Variants in NCALD observed in about 807,000 individuals in gnomAD.
NCALD encodes neurocalcin-delta.
A neutral mutation model predicts 18.6 loss-of-function variants in NCALD; 10 were observed. The ratio of observed to expected loss-of-function variants is 0.54; its 90% CI spans 0.33 to 0.91. The LOEUF is 0.91. Ranked by LOEUF, NCALD falls within the 40% of genes least tolerant of loss-of-function variation. NCALD has a pLI of 0.03. For synonymous variants in NCALD, 88 were observed against 87.4 expected, an observed-to-expected ratio of 1.01 and a Z score of -0.04; for missense variants, 184 against 247.6, an observed-to-expected ratio of 0.74 and a Z score of 1.72.
chr8:101,719,207 T>C (rs373805280), intron 2 of NCALD, 45 bp downstream of exon 2: 4 of 1,581,016 alleles, frequency 2.5e-6, no homozygotes, highest in Non-Finnish European at 3.4e-6. Flanking sequence ...CAATTCTTAC[T>C]TGAGATACAT....
At chr8:101,709,433 G>A (rs772060224) in intron 2 of NCALD, among the ~76,000 whole-genome samples, 3 of 152,158 alleles carry the variant, frequency 2.0e-5, no homozygotes, top group Admixed American at 6.5e-5. Context: ...TGAGTTGTAA[G>A]GATAAAGAAT....
intron 1 of NCALD, among the ~76,000 whole-genome samples, chr8:102,095,989 C>A (rs2132393323): frequency 6.6e-6 from 1 of 152,336 alleles, no homozygotes; most frequent in African/African-American, 2.4e-5. Flanking sequence ...AAAGGTCCTG[C>A]ATCCCAGGAA....
intron 1 of NCALD, among the ~76,000 whole-genome samples, chr8:102,106,369 T>A (rs1825448326): frequency 6.6e-6 from 1 of 151,634 alleles, no homozygotes; most frequent in African/African-American, 2.4e-5. Flanking sequence ...CCACCATACC[T>A]GGCGGAACAA....
At chr8:102,072,745 C>T (rs775482441) in intron 1 of NCALD, among the ~76,000 whole-genome samples, 4 of 152,178 alleles carry the variant, frequency 2.6e-5, no homozygotes, top group Non-Finnish European at 5.9e-5. Flanking sequence ...AGCCAAAATA[C>T]ATACAAAAAG....
chr8:102,071,795 T>C (rs979575211), intron 1 of NCALD, among the ~76,000 whole-genome samples: 1 of 152,132 alleles, frequency 6.6e-6, no homozygotes, highest in African/African-American at 2.4e-5. Context: ...TAACAGAAGA[T>C]ATGCAAGACC....
At chr8:102,010,239 A>G (rs530381398) in intron 2 of NCALD, among the ~76,000 whole-genome samples, 1 of 152,350 alleles carries the variant, frequency 6.6e-6, no homozygotes, top group South Asian at 2.1e-4. Context: ...TACCCATTGC[A>G]TACTTGCAAC....
intron 4 of NCALD, among the ~76,000 whole-genome samples, chr8:101,815,552 A>G (rs1459360862): frequency 6.6e-6 from 1 of 152,144 alleles, no homozygotes; most frequent in Non-Finnish European, 1.5e-5. Context: ...ATATGAAAAG[A>G]TGCTTCACAT....
At chr8:101,848,167 A>G (rs1280184359) in intron 4 of NCALD, among the ~76,000 whole-genome samples, 1 of 152,036 alleles carries the variant, frequency 6.6e-6, no homozygotes, top group Non-Finnish European at 1.5e-5. Context: ...AAAAATAGCT[A>G]AAAATTGAGG....
At chr8:102,047,505 C>A (rs896710162) in intron 1 of NCALD, among the ~76,000 whole-genome samples, 1 of 152,124 alleles carries the variant, frequency 6.6e-6, no homozygotes, top group African/African-American at 2.4e-5. Flanking sequence ...GTGGCTAATG[C>A]AACTGAGAAA....
intron 2 of NCALD, among the ~76,000 whole-genome samples, chr8:102,008,251 G>GCAAGCAGACAATTCCCAAA (rs2132054472): frequency 6.6e-6 from 1 of 152,212 alleles, no homozygotes; most frequent in South Asian, 2.1e-4. Context: ...AGACAGACAA[G>GCAAGCAGACAATTCCCAAA]CAAGCAGACA....
chr8:102,114,386 C>T (rs766680512), intron 1 of NCALD, among the ~76,000 whole-genome samples: 7 of 152,190 alleles, frequency 4.6e-5, no homozygotes, highest in Non-Finnish European at 7.3e-5. Context: ...AACCAGAAAA[C>T]TAAAGAGGCT....
At chr8:102,027,393 A>G (rs1822497916) in intron 1 of NCALD, among the ~76,000 whole-genome samples, 1 of 152,168 alleles carries the variant, frequency 6.6e-6, no homozygotes, top group Non-Finnish European at 1.5e-5. Flanking sequence ...GGACGGGGCA[A>G]AATGCCGCCA....
intron 1 of NCALD, among the ~76,000 whole-genome samples, chr8:102,021,725 C>T (rs1586936143): frequency 6.6e-6 from 1 of 152,168 alleles, no homozygotes; most frequent in Non-Finnish European, 1.5e-5. Context: ...TCCCTAACTA[C>T]TTTTTTGTCC....
At chr8:101,872,932 G>C (rs189536833) in intron 4 of NCALD, among the ~76,000 whole-genome samples, 1 of 152,120 alleles carries the variant, frequency 6.6e-6, no homozygotes, top group African/African-American at 2.4e-5. Flanking sequence ...GAGAGACTCC[G>C]AAAGTCCAAA....
chr8:101,948,420 A>C (rs954969472), intron 2 of NCALD, among the ~76,000 whole-genome samples: 1 of 152,200 alleles, frequency 6.6e-6, no homozygotes, highest in African/African-American at 2.4e-5. Context: ...AAGAAAAATC[A>C]GGAGTAAAAC....
chr8:101,784,660 G>A lies in NCALD; in HGVS notation c.-20+6202C>T, dbSNP rs200941374. On this transcript the variant is annotated intron_variant, in intron 1 of 3. Transcript: ENST00000220931. ...AAAATAAAAACAAAAATTTAGCTGG[G>A]CATGGTGGCATACGCCTATAGTCCT... is the stretch of plus-strand genomic sequence containing the variant. 3.9e-5 allele frequency among the ~76,000 whole-genome samples: 6 copies of A among 152,142 alleles called. No individual in the cohort carries two copies. In the East Asian group the frequency reaches 9.7e-4, roughly 25 times the overall value.
intron 1 of NCALD, among the ~76,000 whole-genome samples, chr8:101,773,387 T>C (rs1320949802): frequency 6.6e-6 from 1 of 152,208 alleles, no homozygotes; most frequent in African/African-American, 2.4e-5. Flanking sequence ...TAAACCACTC[T>C]GTGCAAATGT....
chr8:101,991,142 T>C (rs1294227660), intron 2 of NCALD, among the ~76,000 whole-genome samples: 1 of 152,228 alleles, frequency 6.6e-6, no homozygotes, highest in African/African-American at 2.4e-5. Context: ...ACTCATTTTT[T>C]GACTGCATTG....
At chr8:101,711,385 G>A (rs1323706781) in intron 2 of NCALD, among the ~76,000 whole-genome samples, 1 of 151,942 alleles carries the variant, frequency 6.6e-6, no homozygotes, top group Non-Finnish European at 1.5e-5. Flanking sequence ...ACAACCCCTC[G>A]CGGGCAAGGG....
Sources: gnomAD v4.1 joint callset for allele counts (sites outside exome capture counted in the v4.1 genomes callset) on GRCh38, gnomAD v4.1.1 for gene constraint, MANE v1.5 for transcripts, NCBI Gene and HGNC (gene_info 2026-07-23, HGNC 2026-07-21) for gene names.